Variants in CAPZA1 observed in about 807,000 individuals in gnomAD.
CAPZA1 encodes the protein capping actin protein of muscle Z-line subunit alpha 1.
CAPZA1 carries 10 observed loss-of-function variants against 40.8 expected under a neutral mutation model. The ratio of observed to expected loss-of-function variants is 0.25; its 90% CI spans 0.15 to 0.42. The LOEUF is 0.42. CAPZA1 is among the 10% of genes least tolerant of loss of function. The pLI, the probability that CAPZA1 is intolerant of heterozygous loss-of-function variation, is 1.00. For synonymous variants in CAPZA1, 98 were observed against 115.0 expected (o/e 0.85, Z 0.95); for missense variants, 277 against 353.8 (o/e 0.78, Z 1.74).
At chr1:112,639,000 T>C (rs1480081127) in intron 1 of CAPZA1, among the ~76,000 whole-genome samples, 2 of 145,076 alleles carry the variant, frequency 1.4e-5, no homozygotes, top group African/African-American at 5.3e-5. Context: ...TATAATTATA[T>C]ATTATATAAT....
At chr1:112,619,934 G>C (rs931749815) in intron 1 of CAPZA1, 51 bp downstream of exon 1, 1 of 1,482,362 alleles carries the variant, frequency 6.7e-7, no homozygotes, top group African/African-American at 1.4e-5. Flanking sequence ...GGGAACTGGG[G>C]CCCGGCCCGG....
chr1:112,638,656 C>T (rs72699099), intron 1 of CAPZA1, among the ~76,000 whole-genome samples: 19 of 151,822 alleles, frequency 1.3e-4, no homozygotes, highest in African/African-American at 2.9e-4. Flanking sequence ...TATATCAGGC[C>T]GGGCACAGTG....
intron 1 of CAPZA1, among the ~76,000 whole-genome samples, chr1:112,627,848 T>C (rs916679278): frequency 1.3e-5 from 2 of 150,728 alleles, no homozygotes; most frequent in African/African-American, 2.4e-5. Flanking sequence ...TAATCCCAGC[T>C]ACTCAGCAGG....
chr1:112,646,308 G>A (rs778139867), intron 1 of CAPZA1, among the ~76,000 whole-genome samples: 7 of 152,164 alleles, frequency 4.6e-5, no homozygotes, highest in Admixed American at 6.5e-5. Flanking sequence ...GGGCAGGCAC[G>A]GTGGCTCACA....
At chr1:112,662,745 C>T (rs12025785) in intron 7 of CAPZA1, among the ~76,000 whole-genome samples, 10,724 of 151,866 alleles carry the variant, frequency 0.071, 1,030 homozygotes, top group East Asian at 0.4. Flanking sequence ...ATTGACCTTA[C>T]CCTATATTCC....
chr1:112,658,964 A>G (rs1464869207), intron 5 of CAPZA1, 58 bp from the exon 6 acceptor site: 12 of 1,219,728 alleles, frequency 9.8e-6, no homozygotes, highest in Non-Finnish European at 1.2e-5. Flanking sequence ...TGTACAATGC[A>G]TGTTGTTTAA....
At chr1:112,651,178 A>T (rs942725850) in intron 3 of CAPZA1, among the ~76,000 whole-genome samples, 5 of 152,232 alleles carry the variant, frequency 3.3e-5, no homozygotes, top group Non-Finnish European at 7.3e-5. Context: ...GATTTCCACC[A>T]GTTTCTGGCC....
At chr1:112,656,644 G>A (rs1260582277) in intron 5 of CAPZA1, among the ~76,000 whole-genome samples, 1 of 151,538 alleles carries the variant, frequency 6.6e-6, no homozygotes, top group Non-Finnish European at 1.5e-5. Flanking sequence ...TCTTAATTTG[G>A]AGAGCTCCAG....
intron 1 of CAPZA1, among the ~76,000 whole-genome samples, chr1:112,623,733 A>G (rs1379008427): frequency 6.6e-6 from 1 of 151,034 alleles, no homozygotes; most frequent in East Asian, 1.9e-4. Context: ...CATGCCTGTA[A>G]TCCCAGCACT....
intron 1 of CAPZA1, among the ~76,000 whole-genome samples, chr1:112,639,465 C>T (rs886970629): frequency 3.3e-5 from 5 of 152,222 alleles, no homozygotes; most frequent in Non-Finnish European, 7.4e-5. Flanking sequence ...TTTTAGTTTA[C>T]CTTTTTCTTT....
At chr1:112,650,609 T>C (rs1285806988) in intron 3 of CAPZA1, among the ~76,000 whole-genome samples, 1 of 152,244 alleles carries the variant, frequency 6.6e-6, no homozygotes, top group Non-Finnish European at 1.5e-5. Flanking sequence ...CTTCTAATAA[T>C]AAGGAATTCA....
rs538712939 is a variant in CAPZA1 at position 112,637,107 on chromosome 1, C to CT, written c.40-10102dup. 7.6e-3 allele frequency among the ~76,000 whole-genome samples: 1,161 copies of CT among 152,278 alleles called. 15 individuals are homozygous for CT. Among genetic ancestry groups the CT allele is most frequent in the African/African-American group, 0.026 (1,100 of 41,554 alleles). On this transcript the variant is annotated intron_variant, in intron 1 of 9. Transcript: ENST00000263168. ...AATACTGCATGATATAGTTGAATGT[C>CT]TAAGTTACAATTCCAGCTCCACCCA...
At chr1:112,643,913 C>T (rs952828886) in intron 1 of CAPZA1, among the ~76,000 whole-genome samples, 2 of 151,228 alleles carry the variant, frequency 1.3e-5, no homozygotes, top group African/African-American at 2.5e-5. Context: ...GGCGGGATCT[C>T]GGCTCACTGC....
intron 1 of CAPZA1, among the ~76,000 whole-genome samples, chr1:112,635,836 C>A (rs1208760634): frequency 6.6e-6 from 1 of 152,068 alleles, no homozygotes; most frequent in African/African-American, 2.4e-5. Context: ...TCGAGACCAG[C>A]CTGGTCACAC....
rs753793163 is a variant in CAPZA1, at chr1:112,649,420, G to C, written c.106G>C (p.Val36Leu). 1 of 1,611,556 alleles carries C rather than the reference G, an allele frequency of 6.2e-7. No homozygotes were observed. Among genetic ancestry groups the C allele is most frequent in the African/African-American group, 1.3e-5 (1 of 74,788 alleles). ...PGEFNEVFND[V>L]RLLLNNDNLL... Reference sequence around the variant, plus strand: ...ATTGTAACATTTTTCCTCCTCAGACGTTCGGCTACTACTTAATAATGACAA... The same window carrying C: ...ATTGTAACATTTTTCCTCCTCAGACCTTCGGCTACTACTTAATAATGACAA... Residue 36 changes from valine to leucine, a missense_variant and splice_region_variant, in exon 3 of 10, where the codon GTT (valine) becomes CTT (leucine). By Grantham distance (32) the Val-to-Leu change is conservative. This residue lies in a region of CAPZA1 where 85 missense variants were observed against 76.5 expected (regional missense o/e 1.11). Transcript: ENST00000263168.
At chr1:112,666,032 C>T (rs968524845) in intron 7 of CAPZA1, among the ~76,000 whole-genome samples, 23 of 151,994 alleles carry the variant, frequency 1.5e-4, no homozygotes, top group Non-Finnish European at 2.6e-4. Context: ...AGATGGGGAT[C>T]TTGCTATATT....
chr1:112,662,143 T>C (rs1273305982), intron 7 of CAPZA1, among the ~76,000 whole-genome samples: 2 of 152,156 alleles, frequency 1.3e-5, no homozygotes, highest in African/African-American at 4.8e-5. Flanking sequence ...GTATCTCAAC[T>C]CTGTCACCTA....
chr1:112,658,622 C>G (rs941511826), intron 5 of CAPZA1, among the ~76,000 whole-genome samples: 1 of 152,196 alleles, frequency 6.6e-6, no homozygotes, highest in African/African-American at 2.4e-5. Flanking sequence ...TGACCTAAAT[C>G]TACCATCCTG....
intron 3 of CAPZA1, among the ~76,000 whole-genome samples, chr1:112,651,050 G>T (rs1671377350): frequency 1.3e-5 from 2 of 152,086 alleles, no homozygotes; most frequent in East Asian, 3.9e-4. Flanking sequence ...TCAGTCCCTT[G>T]GCCATAGTCC....
Sources: gnomAD v4.1 joint callset for allele counts (sites outside exome capture counted in the v4.1 genomes callset) on GRCh38, gnomAD v4.1.1 for gene constraint, gnomAD v4.1.1 regional missense constraint, MANE v1.5 for transcripts, NCBI Gene and HGNC (gene_info 2026-07-23, HGNC 2026-07-21) for gene names.